Variants in MBNL2 observed in about 807,000 individuals in gnomAD.
MBNL2 encodes muscleblind-like protein 2.
In MBNL2, 17 loss-of-function variants were observed where a neutral mutation model predicts 41.9. That is an observed-to-expected ratio of 0.41 (90% confidence interval 0.28 to 0.61). MBNL2 has a LOEUF of 0.61. MBNL2 is among the 20% of genes least tolerant of loss of function. MBNL2 has a pLI of 0.35. For synonymous variants in MBNL2, 195 were observed against 182.9 expected, an observed-to-expected ratio of 1.07 and a Z score of -0.53; for missense variants, 336 against 505.6, an observed-to-expected ratio of 0.66 and a Z score of 3.22.
At chr13:97,384,695 A>G (rs988913565) in intron 8 of MBNL2, among the ~76,000 whole-genome samples, 3 of 152,214 alleles carry the variant, frequency 2.0e-5, no homozygotes, top group African/African-American at 7.2e-5. Flanking sequence ...CCCTATTTTT[A>G]GGAAATGCCA....
At chr13:97,227,949 C>T (rs555095155) in intron 1 of MBNL2, among the ~76,000 whole-genome samples, 11 of 152,264 alleles carry the variant, frequency 7.2e-5, no homozygotes, top group East Asian at 1.9e-4. Flanking sequence ...AAAATCCATG[C>T]GTAATTATGA....
chr13:97,223,544 G>A (rs570046727), intron 1 of MBNL2, among the ~76,000 whole-genome samples: 15 of 152,106 alleles, frequency 9.9e-5, no homozygotes, highest in Non-Finnish European at 1.5e-4. Flanking sequence ...GCACTGAAGC[G>A]AAGAAAAAAA....
the MBNL2 span, among the ~76,000 whole-genome samples, chr13:97,149,072 C>T: frequency 6.6e-6 from 1 of 152,302 alleles, no homozygotes; most frequent in Admixed American, 6.5e-5. Context: ...CCAAGATCCA[C>T]TGTGGCTGTG....
rs1256466422 is a variant in MBNL2 at position 97,393,275 on chromosome 13, GT to G, written c.*1833del. 6.6e-6 allele frequency: 1 copy of G among 151,828 alleles called. No individual in the cohort carries two copies. The highest frequency in any genetic ancestry group is 1.5e-5 in the Non-Finnish European group (1 of 67,716). 9.4% of individuals were successfully genotyped at this position (151,828 alleles called of 1,614,324 possible). ...CATTCAAACTTGTTTTCTTTTTTCT[GT>G]TTTTTTCTTTGTTAATTCATTTAAA... On this transcript the variant is annotated 3_prime_UTR_variant, in exon 9 of 9. Coordinates refer to ENST00000679496, the MANE Select transcript of MBNL2 (RefSeq NM_001382683.1).
chr13:97,232,879 G>C (rs1305856589), intron 1 of MBNL2, among the ~76,000 whole-genome samples: 1 of 149,596 alleles, frequency 6.7e-6, no homozygotes, highest in Non-Finnish European at 1.5e-5. Context: ...GTGTGTGTGT[G>C]TGTGTGTGTG....
chr13:97,145,957 C>CTCTAT, the MBNL2 span, among the ~76,000 whole-genome samples: 3 of 143,906 alleles, frequency 2.1e-5, no homozygotes, highest in African/African-American at 7.8e-5. Flanking sequence ...CAGGGTTCTA[C>CTCTAT]TCTTTTCTTT....
chr13:97,320,095 C>T (rs2059377658), intron 2 of MBNL2, among the ~76,000 whole-genome samples: 1 of 152,106 alleles, frequency 6.6e-6, no homozygotes, highest in African/African-American at 2.4e-5. Context: ...CATTATCTAA[C>T]ATTTGTTAGA....
At chr13:97,350,491 A>G (rs532502542) in intron 5 of MBNL2, among the ~76,000 whole-genome samples, 1 of 152,234 alleles carries the variant, frequency 6.6e-6, no homozygotes, top group South Asian at 2.1e-4. Context: ...ATGTTATTTG[A>G]TAGCATTTTG....
At chr13:97,198,891 T>C in the MBNL2 span, among the ~76,000 whole-genome samples, 2 of 151,914 alleles carry the variant, frequency 1.3e-5, no homozygotes, top group Non-Finnish European at 2.9e-5. Context: ...ACCTCCTAAC[T>C]GGCCTCCTGC....
At chr13:97,165,460 T>A in the MBNL2 span, among the ~76,000 whole-genome samples, 2 of 152,180 alleles carry the variant, frequency 1.3e-5, no homozygotes, top group Non-Finnish European at 2.9e-5. Flanking sequence ...TTAAAATGCC[T>A]TTTATGGGTC....
chr13:97,230,584 G>A (rs2042244254), intron 1 of MBNL2, among the ~76,000 whole-genome samples: 1 of 152,206 alleles, frequency 6.6e-6, no homozygotes, highest in South Asian at 2.1e-4. Flanking sequence ...CAATGACAAA[G>A]GATGAATCTT....
intron 8 of MBNL2, among the ~76,000 whole-genome samples, chr13:97,371,374 C>A (rs2064358030): frequency 6.6e-6 from 1 of 152,126 alleles, no homozygotes; most frequent in Admixed American, 6.5e-5. Flanking sequence ...TCTACAAGGA[C>A]TTTGCACATT....
At chr13:97,209,631 G>A in the MBNL2 span, among the ~76,000 whole-genome samples, 3 of 152,106 alleles carry the variant, frequency 2.0e-5, no homozygotes, top group African/African-American at 7.2e-5. Flanking sequence ...GTGTCAGTGA[G>A]TCTAATTAAG....
intron 2 of MBNL2, among the ~76,000 whole-genome samples, chr13:97,286,978 G>T (rs1005763210): frequency 6.6e-6 from 1 of 152,178 alleles, no homozygotes; most frequent in African/African-American, 2.4e-5. Flanking sequence ...ACCCATACTT[G>T]CTAGTGAAGA....
At chr13:97,152,056 G>A in the MBNL2 span, among the ~76,000 whole-genome samples, 3 of 151,950 alleles carry the variant, frequency 2.0e-5, no homozygotes, top group Admixed American at 1.3e-4. Flanking sequence ...AAGAGATAAA[G>A]AAATTTGAAA....
chr13:97,194,556 A>AG, the MBNL2 span, among the ~76,000 whole-genome samples: 1 of 152,174 alleles, frequency 6.6e-6, no homozygotes, highest in African/African-American at 2.4e-5. Context: ...GGGTAAAATG[A>AG]GGGTGAGACC....
In MBNL2 at chr13:97,347,015, C is replaced by T. The variant is rs752473909; in HGVS notation, c.752C>T (p.Ala251Val). The T allele has an allele frequency of 1.2e-6, 2 of 1,613,240 alleles. No homozygotes were observed. The highest frequency in any genetic ancestry group is 1.7e-6 in the Non-Finnish European group (2 of 1,179,486). ...QAKIKAAQHQ[A>V]NQAAVAAQAA... Reference sequence around the variant, plus strand: ...AAAATCAAAGCTGCGCAGCACCAAGCCAACCAAGCTGCGGTGGCCGCCCAG... The same window carrying T: ...AAAATCAAAGCTGCGCAGCACCAAGTCAACCAAGCTGCGGTGGCCGCCCAG... Residue 251 changes from alanine to valine, a missense_variant, in exon 5 of 9, where the codon GCC becomes GTC. Transcript: ENST00000679496.
chr13:97,342,977 C>A, intron 3 of MBNL2, 39 bp from the exon 4 acceptor site: 1 of 1,308,840 alleles, frequency 7.6e-7, no homozygotes, highest in Non-Finnish European at 1.1e-6. Context: ...AAGTTTTATT[C>A]TAAATAACTC....
At chr13:97,382,270 CT>C (rs2065523379) in intron 8 of MBNL2, among the ~76,000 whole-genome samples, 1 of 152,216 alleles carries the variant, frequency 6.6e-6, no homozygotes, top group Admixed American at 6.5e-5. Context: ...CTGGGCTGGC[CT>C]ACAACCATTT....
Sources: allele counts gnomAD v4.1 joint callset (sites outside exome capture counted in the v4.1 genomes callset), GRCh38; gene constraint gnomAD v4.1.1; transcripts MANE v1.5; gene names NCBI Gene and HGNC (gene_info 2026-07-23, HGNC 2026-07-21).